The following EXOC4 variants were observed in gnomAD, a reference collection of about 807,000 sequenced individuals.
The protein encoded by EXOC4 is exocyst complex component 4.
In EXOC4, 71 loss-of-function variants were observed where a neutral mutation model predicts 107.2. That is an observed-to-expected ratio of 0.66 (90% CI 0.55 to 0.81). The LOEUF is 0.81. Among genes scored for constraint, EXOC4 ranks in the 30% least tolerant of loss-of-function variants. The pLI is 0.00. For synonymous variants in EXOC4, 456 were observed against 441.2 expected (o/e 1.03, Z -0.42); for missense variants, 1,108 against 1,189.6 (o/e 0.93, Z 1.01).
chr7:133,780,826 C>T (rs898242000), intron 10 of EXOC4, among the ~76,000 whole-genome samples: 6 of 152,152 alleles, frequency 3.9e-5, no homozygotes, highest in African/African-American at 1.4e-4. Context: ...CTAAAGGGGG[C>T]ACTTCCATGG....
chr7:134,054,510 C>T (rs934761092), intron 17 of EXOC4, among the ~76,000 whole-genome samples: 6 of 152,164 alleles, frequency 3.9e-5, no homozygotes, highest in Non-Finnish European at 8.8e-5. Flanking sequence ...ACAGCCCCTC[C>T]CCGTTCACTA....
chr7:133,335,827 A>G (rs1795499839), intron 5 of EXOC4, among the ~76,000 whole-genome samples: 1 of 152,152 alleles, frequency 6.6e-6, no homozygotes, highest in Admixed American at 6.5e-5. Flanking sequence ...ACTTCTCTCT[A>G]TCCTCATCAA....
At chr7:133,313,346 A>G (rs1371697682) in intron 4 of EXOC4, among the ~76,000 whole-genome samples, 1 of 152,112 alleles carries the variant, frequency 6.6e-6, no homozygotes, top group African/African-American at 2.4e-5. Flanking sequence ...TTCCTGTTTC[A>G]TTATTTGGTG....
intron 14 of EXOC4, among the ~76,000 whole-genome samples, chr7:133,991,283 T>G (rs1794253181): frequency 1.3e-5 from 2 of 152,128 alleles, no homozygotes; most frequent in South Asian, 4.1e-4. Flanking sequence ...GTTTTTTTTG[T>G]TTTCGTTTTT....
At chr7:133,435,762 C>A (rs1797956676) in intron 7 of EXOC4, among the ~76,000 whole-genome samples, 1 of 151,990 alleles carries the variant, frequency 6.6e-6, no homozygotes, top group African/African-American at 2.4e-5. Context: ...CCATGAAGAT[C>A]CATTTCTGGG....
intron 11 of EXOC4, among the ~76,000 whole-genome samples, chr7:133,854,843 TA>T (rs1798314835): frequency 6.7e-6 from 1 of 149,662 alleles, no homozygotes; most frequent in Non-Finnish European, 1.5e-5. Context: ...TGGCATTAAT[TA>T]AAAAAAGGAA....
At chr7:133,335,709 T>C (rs1017542947) in intron 5 of EXOC4, among the ~76,000 whole-genome samples, 5 of 152,208 alleles carry the variant, frequency 3.3e-5, no homozygotes, top group African/African-American at 1.2e-4. Context: ...AGAATTGAAA[T>C]TGCCAGATCA....
At chr7:133,794,815 A>C (rs1461373275) in intron 10 of EXOC4, among the ~76,000 whole-genome samples, 1 of 151,648 alleles carries the variant, frequency 6.6e-6, no homozygotes, top group Admixed American at 6.6e-5. Flanking sequence ...ATTATACTTT[A>C]AGTTTTAGGG....
chr7:133,424,360 C>T (rs1418404874), intron 7 of EXOC4, among the ~76,000 whole-genome samples: 2 of 152,086 alleles, frequency 1.3e-5, no homozygotes, highest in Non-Finnish European at 2.9e-5. Context: ...TCCAGACGCG[C>T]CGCCTTTAAG....
chr7:133,830,355 G>A (rs1043778150), intron 11 of EXOC4, among the ~76,000 whole-genome samples: 1 of 152,240 alleles, frequency 6.6e-6, no homozygotes, highest in Admixed American at 6.5e-5. Context: ...CGAGCAGAGA[G>A]TAGGCTGGCC....
At chr7:133,258,668 C>G (rs1485826023) in intron 1 of EXOC4, among the ~76,000 whole-genome samples, 1 of 152,058 alleles carries the variant, frequency 6.6e-6, no homozygotes, top group Admixed American at 6.6e-5. Context: ...AATAAATTTG[C>G]CGGATAGCAA....
At chr7:133,268,310 T>C (rs1305981092) in intron 1 of EXOC4, among the ~76,000 whole-genome samples, 1 of 152,190 alleles carries the variant, frequency 6.6e-6, no homozygotes, top group African/African-American at 2.4e-5. Context: ...TTGATATAGT[T>C]GATGAGGTAG....
intron 11 of EXOC4, among the ~76,000 whole-genome samples, chr7:133,822,518 C>T (rs915844904): frequency 6.6e-6 from 1 of 152,338 alleles, no homozygotes; most frequent in East Asian, 1.9e-4. Context: ...ATGCCATACC[C>T]TTGCTACTTA....
chr7:133,998,552 T>TA (rs1039022300), intron 15 of EXOC4, among the ~76,000 whole-genome samples: 22 of 152,202 alleles, frequency 1.4e-4, no homozygotes, highest in African/African-American at 5.3e-4. Context: ...AGGAGGCTGA[T>TA]ATGCTTGTAG....
intron 11 of EXOC4, among the ~76,000 whole-genome samples, chr7:133,878,209 A>G (rs1798890604): frequency 6.6e-6 from 1 of 152,160 alleles, no homozygotes; most frequent in East Asian, 1.9e-4. Flanking sequence ...TATGTAGTCA[A>G]TTTTGCATTT....
chr7:133,356,716 C>CA, intron 6 of EXOC4, 143 bp downstream of exon 6: 1 of 960,866 alleles, frequency 1.0e-6, no homozygotes, highest in Non-Finnish European at 1.5e-6. Flanking sequence ...CGCAGTGGCT[C>CA]ACGCCTGTTA....
At chr7:133,993,009 A>G (rs1794299056) in intron 14 of EXOC4, among the ~76,000 whole-genome samples, 1 of 151,990 alleles carries the variant, frequency 6.6e-6, no homozygotes, top group Admixed American at 6.6e-5. Flanking sequence ...TGAAATGATC[A>G]TATGATTTTT....
chr7:133,691,682 AAG>A (rs1794423956), intron 10 of EXOC4, among the ~76,000 whole-genome samples: 5 of 152,190 alleles, frequency 3.3e-5, no homozygotes, highest in Non-Finnish European at 5.9e-5. Context: ...GAAATCCAGT[AAG>A]TGGCAGGTAG....
intron 14 of EXOC4, among the ~76,000 whole-genome samples, chr7:133,982,162 G>A (rs1054245851): frequency 5.3e-5 from 8 of 152,176 alleles, no homozygotes; most frequent in Non-Finnish European, 1.0e-4. Context: ...CTATGCCTGG[G>A]TGACAAGATA....
Sources: allele counts gnomAD v4.1 joint callset (sites outside exome capture counted in the v4.1 genomes callset), GRCh38; gene constraint gnomAD v4.1.1; transcripts MANE v1.5; gene names NCBI Gene and HGNC (gene_info 2026-07-23, HGNC 2026-07-21).